Variants in MYBPC3 observed in about 807,000 individuals in gnomAD.
MYBPC3 encodes the protein myosin-binding protein C, cardiac-type.
MYBPC3 carries 108 observed loss-of-function variants against 159.3 expected under a neutral mutation model. The observed-to-expected ratio is 0.68, with a 90% CI of 0.58 to 0.80. MYBPC3 has a LOEUF of 0.80. Ranked by LOEUF, MYBPC3 falls within the 30% of genes least tolerant of loss-of-function variation. MYBPC3 has a pLI of 0.00. For missense variants in MYBPC3, 1,631 were observed against 1,762.1 expected, an observed-to-expected ratio of 0.93 and a Z score of 1.33; for synonymous variants, 730 against 702.0, an observed-to-expected ratio of 1.04 and a Z score of -0.63.
In MYBPC3 at chr11:47,331,614, C is replaced by T. The variant is rs767296899; in HGVS notation, c.*129G>A. ...GACAACTGCCCTGCTGATCCCCCAT[C>T]GCAGCACAGGAGACACACTTGTCAC... On this transcript the variant is annotated 3_prime_UTR_variant, in exon 35 of 35. Coordinates refer to ENST00000545968, the MANE Select transcript of MYBPC3 (RefSeq NM_000256.3). 9.4e-6 allele frequency: 5 copies of T among 530,234 alleles called. No homozygotes were observed. Among genetic ancestry groups the T allele is most frequent in the Non-Finnish European group, 1.3e-5 (4 of 296,420 alleles). 32.8% of individuals were successfully genotyped at this position (530,234 alleles called of 1,614,324 possible).
rs3729985 is a variant in MYBPC3, at chr11:47,351,198, C to G, written c.292+41G>C. Reference sequence around the variant, plus strand: ...GGAGAGTCGCTGGGCTGCCCCTCCCCCAGCAGCCCAAACCTCAGGGAAGGC... The same window carrying G: ...GGAGAGTCGCTGGGCTGCCCCTCCCGCAGCAGCCCAAACCTCAGGGAAGGC... On this transcript the variant is annotated intron_variant, in intron 2 of 34. Transcript: ENST00000545968. The surrounding 1 kb of genome is among the most constrained non-coding windows in gnomAD (Gnocchi z 4.2). 48,134 of 1,465,348 alleles carry G rather than the reference C, an allele frequency of 0.033. 1,342 individuals are homozygous for G. The highest frequency in any genetic ancestry group is 0.15 in the South Asian group (10,706 of 71,704). 90.8% of individuals were successfully genotyped at this position (1,465,348 alleles called of 1,614,324 possible).
chr11:47,343,897 T>C (rs1399434125), intron 12 of MYBPC3, among the ~76,000 whole-genome samples: 2 of 152,228 alleles, frequency 1.3e-5, no homozygotes, highest in South Asian at 2.1e-4. Context: ...CAAGTGATTC[T>C]CCTGCCTCGG....
rs2142866342 is a variant in MYBPC3, at chr11:47,348,513, T to C, written c.683A>G (p.Asp228Gly). Residue 228 changes from aspartate to glycine, a missense_variant, in exon 6 of 35, where the codon GAT becomes GGT. Coordinates refer to ENST00000545968, the MANE Select transcript of MYBPC3 (RefSeq NM_000256.3). ...GCTGCCAGTGAAGGCAGGCTGGGCA[T>C]CGGTGATGTGCAGCTCGAACAGATA... ...KVYLFELHIT[D>G]AQPAFTGSYR... 5 of 1,613,290 alleles carry C rather than the reference T, an allele frequency of 3.1e-6. No homozygotes were observed. The highest frequency in any genetic ancestry group is 8.5e-7 in the Non-Finnish European group (1 of 1,179,614).
Position 47,333,620 on chromosome 11 carries a change from A to G in MYBPC3, c.3127T>C (p.Tyr1043His), listed in dbSNP as rs762396429. Reference sequence around the variant, plus strand: ...TTCTCAATGCGCACCGTCACCTGGTAAGTGCCTGAATGCACGCGGCGAGCG... The same window carrying G: ...TTCTCAATGCGCACCGTCACCTGGTGAGTGCCTGAATGCACGCGGCGAGCG... Reference protein sequence around the residue: ...RAARRVHSGTYQVTVRIENME... With the variant: ...RAARRVHSGTHQVTVRIENME... Residue 1043 changes from tyrosine to histidine, a missense_variant, in exon 29 of 35, where the codon TAC becomes CAC. Transcript: ENST00000545968. The G allele has an allele frequency of 3.7e-6, 6 of 1,605,658 alleles. No homozygotes were observed. Among genetic ancestry groups the G allele is most frequent in the East Asian group, 2.2e-5 (1 of 44,896 alleles).
chr11:47,333,840 C>T, intron 28 of MYBPC3, 82 bp downstream of exon 28: 2 of 1,547,754 alleles, frequency 1.3e-6, no homozygotes, highest in South Asian at 1.2e-5. Context: ...ATCAGGCCAG[C>T]CCTGAGACAT....
In MYBPC3 at chr11:47,333,641, G is replaced by A. The variant is rs61729664; in HGVS notation, c.3106C>T (p.Arg1036Cys). 2.5e-4 allele frequency: 410 copies of A among 1,608,682 alleles called. 2 individuals are homozygous for A. In the African/African-American group the frequency reaches 4.8e-3, roughly 19 times the overall value. Reference protein sequence around the residue: ...TDTILFIRAARRVHSGTYQVT... With the variant: ...TDTILFIRAACRVHSGTYQVT... ...TGGTAAGTGCCTGAATGCACGCGGC[G>A]AGCGGCCCGGATGAACAGGATGGTG... Residue 1036 changes from arginine to cysteine, a missense_variant, in exon 29 of 35, where the codon CGC (arginine) becomes TGC (cysteine). By Grantham distance (180) the Arg-to-Cys change is radical. Transcript: ENST00000545968.
Position 47,346,922 on chromosome 11 carries a change from C to T in MYBPC3, c.908+105G>A. The T allele has an allele frequency of 2.7e-6, 2 of 754,306 alleles. No individual in the cohort carries two copies. Among genetic ancestry groups the T allele is most frequent in the South Asian group, 2.8e-5 (2 of 72,326 alleles). 46.7% of individuals were successfully genotyped at this position (754,306 alleles called of 1,614,324 possible). On this transcript the variant is annotated intron_variant, in intron 10 of 34. Transcript: ENST00000545968. The surrounding 1 kb of genome is among the most constrained non-coding windows in gnomAD (Gnocchi z 5.3). The stretch of plus-strand genomic sequence containing the variant: ...TCACCCCTGTCCGTGGGGAGCCGCA[C>T]CCTGCTCTGAGTCTCTCACCACAGC...
At position 47,349,876 on chromosome 11, in the gene MYBPC3, C is replaced by T. The variant is rs748725922; in HGVS notation, c.552G>A (p.Leu184=). 1.9e-6 allele frequency: 3 copies of T among 1,612,126 alleles called. No individual in the cohort carries two copies. The highest frequency in any genetic ancestry group is 1.1e-5 in the South Asian group (1 of 90,686). The part of the protein sequence containing the change: ...FSARVAGASL[L]KPPVVKWFKG... The stretch of plus-strand genomic sequence containing the variant: ...TGAACCACTTGACCACAGGCGGCTT[C>T]AGGAGGCTGGCGCCGGCCACGCGGG... The change falls in exon 5 of 35, where the codon CTG becomes CTA. Residue 184 remains leucine (L), a synonymous_variant. Coordinates refer to ENST00000545968, the MANE Select transcript of MYBPC3 (RefSeq NM_000256.3).
rs730880569 is a variant in MYBPC3 at position 47,337,450 on chromosome 11, G to C, written c.2543C>G (p.Ala848Gly). 6 of 1,613,096 alleles carry C rather than the reference G, an allele frequency of 3.7e-6. No homozygotes were observed. The highest frequency in any genetic ancestry group is 5.1e-6 in the Non-Finnish European group (6 of 1,179,740). ...CCTGGACATGCCGATGGCGTTGACC[G>C]CGTAGACGCGCATCTCGTACACCAC... Reference protein sequence around the residue: ...EGVVYEMRVYAVNAIGMSRPS... With the variant: ...EGVVYEMRVYGVNAIGMSRPS... Residue 848 changes from alanine to glycine, a missense_variant, in exon 25 of 35, where the codon GCG becomes GGG. By Grantham distance (60) the Ala-to-Gly change is moderately conservative. Coordinates refer to ENST00000545968, the MANE Select transcript of MYBPC3 (RefSeq NM_000256.3).
chr11:47,338,705 G>A lies in MYBPC3; in HGVS notation c.2149-26C>T, dbSNP rs532359019. 1 of 1,590,004 alleles carries A rather than the reference G, an allele frequency of 6.3e-7. No homozygotes were observed. Among genetic ancestry groups the A allele is most frequent in the Non-Finnish European group, 8.6e-7 (1 of 1,167,488 alleles). On this transcript the variant is annotated intron_variant, in intron 22 of 34. Coordinates refer to ENST00000545968, the MANE Select transcript of MYBPC3 (RefSeq NM_000256.3). This position sits in a 1 kb window ranked among gnomAD's most constrained non-coding sequence, Gnocchi z 4.7. ...CTGGGGGGGTGCAGAGTTGGGGTGA[G>A]ATCCAAGTCAGACCCCAGAGGCCCT... is the stretch of plus-strand genomic sequence containing the variant.
chr11:47,349,233 G>GA (rs1377000179), intron 5 of MYBPC3, among the ~76,000 whole-genome samples: 2 of 151,832 alleles, frequency 1.3e-5, no homozygotes, highest in South Asian at 2.1e-4. Context: ...GGGCAGGGCG[G>GA]AAAAAAACAA....
At chr11:47,337,355 G>A in intron 25 of MYBPC3, 36 bp downstream of exon 25, 2 of 1,529,126 alleles carry the variant, frequency 1.3e-6, no homozygotes, top group Middle Eastern at 1.9e-4. Flanking sequence ...TAACTGGGGA[G>A]GGGGCGGGGG....
rs762834457 is a variant in MYBPC3, at chr11:47,349,825, G to T, written c.603C>A (p.Ser201Arg). 1 of 1,611,400 alleles carries T rather than the reference G, an allele frequency of 6.2e-7. No individual in the cohort carries two copies. ...WFKGKWVDLS[S>R]KVGQHLQLHD... ...GCAGCTGCAGGTGCTGGCCCACCTT[G>T]CTGCTCAGGTCCACCCATTTGCCCT... The change falls in exon 5 of 35, where the codon AGC becomes AGA. Residue 201 changes from serine (S) to arginine (R), a missense_variant. Ser to Arg is a moderately radical substitution (Grantham distance 110). Transcript: ENST00000545968.
At position 47,347,847 on chromosome 11, in the gene MYBPC3, G is replaced by T. The variant is rs1178968356; in HGVS notation, c.821+10C>A. On this transcript the variant is annotated intron_variant, in intron 7 of 34. Transcript: ENST00000545968. Reference sequence around the variant, plus strand: ...CTGGCCTCCCCCAGGCCCTGAGGATGGCCACTCACGTGCGGCGGAAGGCTG... The same window carrying T: ...CTGGCCTCCCCCAGGCCCTGAGGATTGCCACTCACGTGCGGCGGAAGGCTG... 1 of 1,562,338 alleles carries T rather than the reference G, an allele frequency of 6.4e-7. No homozygotes were observed. The highest frequency in any genetic ancestry group is 1.9e-5 in the Admixed American group (1 of 52,178).
In MYBPC3 at chr11:47,342,825, C is replaced by G. The variant is rs727503202; in HGVS notation, c.1457+5G>C. 2 of 1,612,488 alleles carry G rather than the reference C, an allele frequency of 1.2e-6. No homozygotes were observed. Among genetic ancestry groups the G allele is most frequent in the Non-Finnish European group, 1.7e-6 (2 of 1,179,010 alleles). On this transcript the variant is annotated splice_donor_5th_base_variant and intron_variant, in intron 16 of 34. Transcript: ENST00000545968. ...ACACCCATGCCCCGTGCTTCTGGAACTCACCATTTGACTTGCGCCCCCTCC... is the reference window on the plus strand; with the variant it reads ...ACACCCATGCCCCGTGCTTCTGGAAGTCACCATTTGACTTGCGCCCCCTCC...
intron 2 of MYBPC3, among the ~76,000 whole-genome samples, chr11:47,350,938 G>A: frequency 6.6e-6 from 1 of 152,142 alleles, no homozygotes; most frequent in South Asian, 2.1e-4. Flanking sequence ...ACAGCTCCTG[G>A]GGCTTCCCGG....
In MYBPC3 at chr11:47,346,187, C is replaced by T; in HGVS notation, c.1090+20G>A. 2 of 1,613,362 alleles carry T rather than the reference C, an allele frequency of 1.2e-6. No individual in the cohort carries two copies. Among genetic ancestry groups the T allele is most frequent in the Non-Finnish European group, 1.7e-6 (2 of 1,179,706 alleles). The stretch of plus-strand genomic sequence containing the variant: ...GGGCTAGCCTGTGCCCTCTCCTCTC[C>T]CCTCTGAGGAAGGGCTAACCTGTGC... On this transcript the variant is annotated intron_variant, in intron 12 of 34. Transcript: ENST00000545968. The surrounding 1 kb of genome is among the most constrained non-coding windows in gnomAD (Gnocchi z 5.3).
rs1037962920 is a variant in MYBPC3 at position 47,351,133 on chromosome 11, G to A, written c.292+106C>T. ...GGCGGGGGGCACAGCCACAGCAAAGGCAAGAAAGTGTGAAAGCACCTCCTG... is the reference window on the plus strand; with the variant it reads ...GGCGGGGGGCACAGCCACAGCAAAGACAAGAAAGTGTGAAAGCACCTCCTG... On this transcript the variant is annotated intron_variant, in intron 2 of 34. Transcript: ENST00000545968. This position sits in a 1 kb window ranked among gnomAD's most constrained non-coding sequence, Gnocchi z 4.2. 8 of 1,365,296 alleles carry A rather than the reference G, an allele frequency of 5.9e-6. No individual in the cohort carries two copies. The Admixed American group carries it at 1.4e-4, about 24-fold the overall frequency. The allele number at this position is 1,365,296 out of a possible 1,614,324, so 84.6% of individuals were successfully genotyped here. A position where few individuals can be genotyped will look rare whatever the true frequency, so the allele number is the denominator to read the frequency against.
Position 47,346,122 on chromosome 11 carries a change from G to A in MYBPC3, c.1090+85C>T. 2 of 1,551,686 alleles carry A rather than the reference G, an allele frequency of 1.3e-6. No homozygotes were observed. The highest frequency in any genetic ancestry group is 1.8e-6 in the Non-Finnish European group (2 of 1,140,328). ...TGTGCCCTCTCCTCTCCCCTGTGGGGAAGGGCTAACCTATGCCCTCTCCTC... is the reference window on the plus strand; with the variant it reads ...TGTGCCCTCTCCTCTCCCCTGTGGGAAAGGGCTAACCTATGCCCTCTCCTC... On this transcript the variant is annotated intron_variant, in intron 12 of 34. Coordinates refer to ENST00000545968, the MANE Select transcript of MYBPC3 (RefSeq NM_000256.3). This position sits in a 1 kb window ranked among gnomAD's most constrained non-coding sequence, Gnocchi z 5.3.
Sources: gnomAD v4.1 joint callset for allele counts (sites outside exome capture counted in the v4.1 genomes callset) on GRCh38, gnomAD v4.1.1 for gene constraint, Gnocchi (gnomAD v3.1) non-coding constraint, MANE v1.5 for transcripts, NCBI Gene and HGNC (gene_info 2026-07-23, HGNC 2026-07-21) for gene names.